The following TAGAP variants were observed in gnomAD, a reference collection of about 807,000 sequenced individuals.
TAGAP encodes the protein T-cell activation Rho GTPase-activating protein.
A neutral mutation model predicts 36.0 loss-of-function variants in TAGAP; 16 were observed. The observed-to-expected ratio is 0.44, with a 90% CI of 0.30 to 0.68. TAGAP has a LOEUF of 0.68. TAGAP is among the 30% of genes least tolerant of loss of function. TAGAP has a pLI of 0.09. For synonymous variants in TAGAP, 372 were observed against 377.4 expected, an observed-to-expected ratio of 0.99 and a Z score of 0.17; for missense variants, 794 against 921.5, an observed-to-expected ratio of 0.86 and a Z score of 1.79.
Position 159,036,657 on chromosome 6 carries a change from C to A in TAGAP, c.1366G>T (p.Val456Phe). ...APGSVLPRALVLKAFSSSSLD... is the reference protein window; with the variant it reads ...APGSVLPRALFLKAFSSSSLD... Reference sequence around the variant, plus strand: ...GAGCTGCTGGAGAAGGCTTTGAGAACCAGTGCCCGCGGGAGCACCGAACCC... The same window carrying A: ...GAGCTGCTGGAGAAGGCTTTGAGAAACAGTGCCCGCGGGAGCACCGAACCC... The change falls in exon 10 of 10, where the codon GTT (valine) becomes TTT (phenylalanine). Residue 456 changes from valine (V) to phenylalanine (F), a missense_variant. Transcript: ENST00000367066. This position sits in a 1 kb window ranked among gnomAD's most constrained non-coding sequence, Gnocchi z 4.9. The A allele has an allele frequency of 1.2e-6, 2 of 1,614,172 alleles. No homozygotes were observed. The highest frequency in any genetic ancestry group is 2.2e-5 in the South Asian group (2 of 91,084).
In TAGAP at chr6:159,037,637, T is replaced by C. The variant is rs1232415658; in HGVS notation, c.898+477A>G. 6.6e-6 allele frequency among the ~76,000 whole-genome samples: 1 copy of C among 152,144 alleles called. No homozygotes were observed. The highest frequency in any genetic ancestry group is 1.5e-5 in the Non-Finnish European group (1 of 68,034). ...AAGTTTATTTCTTTCTGAATTTATTTTGAGATCAGAAGAAAAATAGGGAAA... is the reference window on the plus strand; with the variant it reads ...AAGTTTATTTCTTTCTGAATTTATTCTGAGATCAGAAGAAAAATAGGGAAA... On this transcript the variant is annotated intron_variant, in intron 9 of 9. Transcript: ENST00000367066. The surrounding 1 kb of genome is among the most constrained non-coding windows in gnomAD (Gnocchi z 5.1).
chr6:159,042,118 A>G lies in TAGAP; in HGVS notation c.275T>C (p.Ile92Thr), dbSNP rs371800256. 2 of 1,614,078 alleles carry G rather than the reference A, an allele frequency of 1.2e-6. No homozygotes were observed. The highest frequency in any genetic ancestry group is 2.7e-5 in the African/African-American group (2 of 74,932). Residue 92 changes from isoleucine to threonine, a missense_variant, in exon 5 of 10, where the codon ATT (isoleucine) becomes ACT (threonine). Ile to Thr is a moderately conservative substitution (Grantham distance 89, BLOSUM62 -1). Transcript: ENST00000367066. ...KASLFDQPLS[I>T]ICGDSDTLPR... is the part of the protein sequence containing the mutation. ...GAGTGTGTCACTGTCACCGCAGATAATTGACAAGGGCTGATCAAATAGCGA... is the reference window on the plus strand; with the variant it reads ...GAGTGTGTCACTGTCACCGCAGATAGTTGACAAGGGCTGATCAAATAGCGA...
At position 159,036,879 on chromosome 6, in the gene TAGAP, G is replaced by A; in HGVS notation, c.1144C>T (p.Pro382Ser). 1 of 1,614,212 alleles carries A rather than the reference G, an allele frequency of 6.2e-7. No homozygotes were observed. Among genetic ancestry groups the A allele is most frequent in the African/African-American group, 1.3e-5 (1 of 75,054 alleles). Reference sequence around the variant, plus strand: ...CTCTCGAGGCACTCCTGGGAGGATGGCATGCTGGGCTCTGAGTATCTCCTA... The same window carrying A: ...CTCTCGAGGCACTCCTGGGAGGATGACATGCTGGGCTCTGAGTATCTCCTA... ...PDRRYSEPSM[P>S]SSQECLESRV... The change falls in exon 10 of 10, where the codon CCA (proline) becomes TCA (serine). Residue 382 changes from proline to serine, a missense_variant. Coordinates refer to ENST00000367066, the MANE Select transcript of TAGAP (RefSeq NM_054114.5). The surrounding 1 kb of genome is among the most constrained non-coding windows in gnomAD (Gnocchi z 4.9).
chr6:159,037,135 T>G lies in TAGAP; in HGVS notation c.899-11A>C. ...GCAGGGTCGACACATCTGGGGGAAG[T>G]CAAGCAGCAGTTGAACATTTGTTTG... On this transcript the variant is annotated splice_polypyrimidine_tract_variant and intron_variant, in intron 9 of 9. Transcript: ENST00000367066. This position sits in a 1 kb window ranked among gnomAD's most constrained non-coding sequence, Gnocchi z 5.1. 6.3e-7 allele frequency: 1 copy of G among 1,583,406 alleles called. No individual in the cohort carries two copies.
Position 159,043,845 on chromosome 6 carries a change from C to A in TAGAP, c.81+133G>T. ...ATCATATAAGATCCTAATTAATGTG[C>A]TTAATTTACTACATGTGTGATGTTA... On this transcript the variant is annotated intron_variant, in intron 3 of 9. Transcript: ENST00000367066. The A allele has an allele frequency of 4.1e-6, 4 of 983,118 alleles. No individual in the cohort carries two copies. In the South Asian group the frequency reaches 6.0e-5, roughly 15 times the overall value. 60.9% of individuals were successfully genotyped at this position (983,118 alleles called of 1,614,324 possible). A position where few individuals can be genotyped will look rare whatever the true frequency, so the allele number is the denominator to read the frequency against.
rs756590241 is a variant in TAGAP, at chr6:159,036,152, CTCATGCTCCCCACCG to C, written c.1856_1870del (p.Thr619_Met623del). On this transcript the variant is annotated inframe_deletion, in exon 10 of 10. Coordinates refer to ENST00000367066, the MANE Select transcript of TAGAP (RefSeq NM_054114.5). This position sits in a 1 kb window ranked among gnomAD's most constrained non-coding sequence, Gnocchi z 4.9. ...GCAGTGCGCCTCCAGCATCCTCGCC[CTCATGCTCCCCACCG>C]TCATGCTCCCCACGGTCTGGCTCTC... is the stretch of plus-strand genomic sequence containing the variant. The C allele has an allele frequency of 3.0e-5, 48 of 1,613,128 alleles. No homozygotes were observed. The South Asian group carries it at 4.2e-4, about 14-fold the overall frequency.
At position 159,044,112 on chromosome 6, in the gene TAGAP, G is replaced by T; in HGVS notation, c.27+8C>A. 3 of 1,613,922 alleles carry T rather than the reference G, an allele frequency of 1.9e-6. No individual in the cohort carries two copies. The highest frequency in any genetic ancestry group is 2.5e-6 in the Non-Finnish European group (3 of 1,179,956). Reference sequence around the variant, plus strand: ...ACGTGAATGAATGAATGTGAGAGGGGCACTCACAGCATTGTGGCTGCTTCT... The same window carrying T: ...ACGTGAATGAATGAATGTGAGAGGGTCACTCACAGCATTGTGGCTGCTTCT... On this transcript the variant is annotated splice_region_variant and intron_variant, in intron 2 of 9. Coordinates refer to ENST00000367066, the MANE Select transcript of TAGAP (RefSeq NM_054114.5).
At chr6:159,044,370 C>CATTTAAA (rs566600924) in intron 1 of TAGAP, among the ~76,000 whole-genome samples, 166 bp from the exon 2 acceptor site, 27 of 152,302 alleles carry the variant, frequency 1.8e-4, no homozygotes, top group Admixed American at 5.2e-4. Flanking sequence ...GACAAGTTTT[C>CATTTAAA]ATTTAAAATC....
intron 7 of TAGAP, among the ~76,000 whole-genome samples, chr6:159,039,511 C>T (rs1462499565): frequency 6.6e-6 from 1 of 152,228 alleles, no homozygotes; most frequent in East Asian, 1.9e-4. Context: ...TCTTGAGGAG[C>T]TAAGAAACTG....
Position 159,036,647 on chromosome 6 carries a change from G to C in TAGAP, c.1376C>G (p.Ala459Gly). Residue 459 changes from alanine to glycine, a missense_variant, in exon 10 of 10, where the codon GCC (alanine) becomes GGC (glycine). Transcript: ENST00000367066. This position sits in a 1 kb window ranked among gnomAD's most constrained non-coding sequence, Gnocchi z 4.9. ...CGCGTCCAGCGAGCTGCTGGAGAAG[G>C]CTTTGAGAACCAGTGCCCGCGGGAG... ...SVLPRALVLK[A>G]FSSSSLDASS... 6.2e-7 allele frequency: 1 copy of C among 1,614,182 alleles called. No homozygotes were observed. The highest frequency in any genetic ancestry group is 8.5e-7 in the Non-Finnish European group (1 of 1,180,034).
rs1247845384 is a variant in TAGAP at position 159,037,590 on chromosome 6, G to A, written c.899-466C>T. 6.6e-6 allele frequency among the ~76,000 whole-genome samples: 1 copy of A among 152,158 alleles called. No homozygotes were observed. Among genetic ancestry groups the A allele is most frequent in the Admixed American group, 6.5e-5 (1 of 15,278 alleles). The stretch of plus-strand genomic sequence containing the variant: ...GCAGAACTACTTAGGGGCTTGATAT[G>A]ACAAGAAATGTACCACATGAAAAGT... On this transcript the variant is annotated intron_variant, in intron 9 of 9. Transcript: ENST00000367066. This position sits in a 1 kb window ranked among gnomAD's most constrained non-coding sequence, Gnocchi z 5.1.
At chr6:159,043,772 T>C (rs1417640975) in intron 3 of TAGAP, 117 bp from the exon 4 acceptor site, 1 of 1,125,608 alleles carries the variant, frequency 8.9e-7, no homozygotes, top group Non-Finnish European at 1.3e-6. Flanking sequence ...GTAGAGTGCA[T>C]TGATGTTTTT....
chr6:159,038,579 G>C (rs1268300033), intron 8 of TAGAP, among the ~76,000 whole-genome samples: 2 of 151,834 alleles, frequency 1.3e-5, no homozygotes, highest in Admixed American at 1.3e-4. Context: ...TAGTGGAGAC[G>C]GGGTTTTGTC....
Position 159,036,149 on chromosome 6 carries a change from G to T in TAGAP, c.1874C>A (p.Ala625Glu), listed in dbSNP as rs778745747. The change falls in exon 10 of 10, where the codon GCG becomes GAG. Residue 625 changes from alanine (A) to glutamate (E), a missense_variant. By Grantham distance (107) the Ala-to-Glu change is moderately radical. Coordinates refer to ENST00000367066, the MANE Select transcript of TAGAP (RefSeq NM_054114.5). This position sits in a 1 kb window ranked among gnomAD's most constrained non-coding sequence, Gnocchi z 4.9. ...VGSMTVGSMR[A>E]RMLEAHCLLP... ...GAGGCAGTGCGCCTCCAGCATCCTCGCCCTCATGCTCCCCACCGTCATGCT... is the reference window on the plus strand; with the variant it reads ...GAGGCAGTGCGCCTCCAGCATCCTCTCCCTCATGCTCCCCACCGTCATGCT... 1.2e-6 allele frequency: 2 copies of T among 1,613,118 alleles called. No individual in the cohort carries two copies. Among genetic ancestry groups the T allele is most frequent in the South Asian group, 1.1e-5 (1 of 91,028 alleles).
chr6:159,036,115 A>G lies in TAGAP; in HGVS notation c.1908T>C (p.Pro636=), dbSNP rs1262895871. ...CCTCTACGTGGTGAGCAGGTGGAAG[A>G]GGGGGTAGGAGGCAGTGCGCCTCCA... is the stretch of plus-strand genomic sequence containing the variant. The part of the protein sequence containing the change: ...RMLEAHCLLP[P]LPPAHHVEDS... Residue 636 remains proline (P), a synonymous_variant, in exon 10 of 10, where the codon CCT becomes CCC. Coordinates refer to ENST00000367066, the MANE Select transcript of TAGAP (RefSeq NM_054114.5). This position sits in a 1 kb window ranked among gnomAD's most constrained non-coding sequence, Gnocchi z 4.9. 3 of 1,612,580 alleles carry G rather than the reference A, an allele frequency of 1.9e-6. No individual in the cohort carries two copies. The highest frequency in any genetic ancestry group is 2.5e-6 in the Non-Finnish European group (3 of 1,179,498).
Position 159,041,908 on chromosome 6 carries a change from G to C in TAGAP, c.315+170C>G. ...AATTTCAATTTCTGGAATGGAAGCA[G>C]TCAGATATTCTTCTGACTGCACGCG... On this transcript the variant is annotated intron_variant, in intron 5 of 9. Transcript: ENST00000367066. This position sits in a 1 kb window ranked among gnomAD's most constrained non-coding sequence, Gnocchi z 4.1. 1.4e-6 allele frequency: 1 copy of C among 739,462 alleles called. No homozygotes were observed. The highest frequency in any genetic ancestry group is 1.9e-5 in the South Asian group (1 of 52,914). 45.8% of individuals were successfully genotyped at this position (739,462 alleles called of 1,614,324 possible).
chr6:159,037,723 C>G lies in TAGAP; in HGVS notation c.898+391G>C, dbSNP rs1779596040. ...GAGGAGAGAATAAGAAAAGAGAGAA[C>G]AGCATTTCACTGAAAATGTATTGAC... is the stretch of plus-strand genomic sequence containing the variant. On this transcript the variant is annotated intron_variant, in intron 9 of 9. Transcript: ENST00000367066. This position sits in a 1 kb window ranked among gnomAD's most constrained non-coding sequence, Gnocchi z 5.1. 6.6e-6 allele frequency among the ~76,000 whole-genome samples: 1 copy of G among 152,164 alleles called. No individual in the cohort carries two copies. The highest frequency in any genetic ancestry group is 6.5e-5 in the Admixed American group (1 of 15,286).
chr6:159,042,212 G>T lies in TAGAP; in HGVS notation c.181C>A (p.Pro61Thr), dbSNP rs943019544. The change falls in exon 5 of 10, where the codon CCC (proline) becomes ACC (threonine). Residue 61 changes from proline to threonine, a missense_variant. Pro to Thr is a conservative substitution (Grantham distance 38). Transcript: ENST00000367066. ...GGGGAGAGCCTTCTCATGAGAAAGG[G>T]CCAGGACAGCACCTTCTTTCTCTTC... ...VKKRKKVLSWPFLMRRLSPAS... is the reference protein window; with the variant it reads ...VKKRKKVLSWTFLMRRLSPAS... 3 of 1,613,824 alleles carry T rather than the reference G, an allele frequency of 1.9e-6. No individual in the cohort carries two copies. The African/African-American group carries it at 4.0e-5, about 22-fold the overall frequency.
At chr6:159,038,254 C>A in intron 8 of TAGAP, 26 bp from the exon 9 acceptor site, 75 of 943,132 alleles carry the variant, frequency 8.0e-5, no homozygotes, top group Non-Finnish European at 1.1e-4. Flanking sequence ...AGCAATTTGT[C>A]AGCTTGAAGA....
Sources: allele counts gnomAD v4.1 joint callset (sites outside exome capture counted in the v4.1 genomes callset), GRCh38; gene constraint gnomAD v4.1.1; non-coding constraint Gnocchi (gnomAD v3.1); transcripts MANE v1.5; gene names NCBI Gene and HGNC (gene_info 2026-07-23, HGNC 2026-07-21).